GXYLT1: variants seen among roughly 807,000 people sequenced by gnomAD.
GXYLT1 encodes glycosyltransferase 8 domain containing 3.
Under a neutral mutation model 54.0 loss-of-function variants are expected in GXYLT1, and 29 were observed. The observed-to-expected ratio is 0.54, with a 90% CI of 0.40 to 0.73. GXYLT1 has a LOEUF of 0.73. Ranked by LOEUF, GXYLT1 falls within the 30% of genes least tolerant of loss-of-function variation. The pLI, the probability that GXYLT1 is intolerant of heterozygous loss-of-function variation, is 0.00. For missense variants in GXYLT1, 490 were observed against 553.4 expected, an observed-to-expected ratio of 0.89 and a Z score of 1.15; for synonymous variants, 176 against 204.1, an observed-to-expected ratio of 0.86 and a Z score of 1.17.
At chr12:42,131,691 G>C (rs2065594832) in intron 1 of GXYLT1, among the ~76,000 whole-genome samples, 1 of 152,160 alleles carries the variant, frequency 6.6e-6, no homozygotes. Context: ...CTTATGACTT[G>C]ATTAGAAAAT....
intron 3 of GXYLT1, among the ~76,000 whole-genome samples, chr12:42,111,316 C>A (rs960032970): frequency 2.6e-5 from 4 of 152,216 alleles, no homozygotes; most frequent in Admixed American, 1.3e-4. Flanking sequence ...GTGCGCGAGC[C>A]GAACCGGGGC....
chr12:42,094,351 CAA>C (rs11406709), intron 7 of GXYLT1, among the ~76,000 whole-genome samples: 32 of 74,582 alleles, frequency 4.3e-4, no homozygotes, highest in Admixed American at 4.5e-4. Flanking sequence ...AACCCTGCCT[CAA>C]AAAAAAAAAA....
chr12:42,121,011 A>G (rs2065527686), intron 2 of GXYLT1, among the ~76,000 whole-genome samples: 1 of 152,226 alleles, frequency 6.6e-6, no homozygotes, highest in African/African-American at 2.4e-5. Context: ...CTACGTCTAT[A>G]AAGAGGGGAC....
chr12:42,104,254 C>CTTTTTTTTTT (rs200928276), intron 5 of GXYLT1, among the ~76,000 whole-genome samples: 1 of 98,322 alleles, frequency 1.0e-5, no homozygotes, highest in Non-Finnish European at 2.0e-5. Context: ...TGAGAAGTCA[C>CTTTTTTTTTT]ATTTTTTTTT....
intron 2 of GXYLT1, among the ~76,000 whole-genome samples, chr12:42,119,686 T>C (rs1485983595): frequency 6.6e-6 from 1 of 151,902 alleles, no homozygotes; most frequent in East Asian, 1.9e-4. Context: ...CATGCACCTG[T>C]AGCCCCGGCT....
In GXYLT1 at chr12:42,144,002, TCACA is replaced by T. The variant is rs146444482; in HGVS notation, c.221+420_221+423del. Reference sequence around the variant, plus strand: ...GGACAAAATACACACACATATACACTCACACACACACACACAATCCTTAAACACT... The same window carrying T: ...GGACAAAATACACACACATATACACTCACACACACACAATCCTTAAACACT... On this transcript the variant is annotated intron_variant, in intron 1 of 7. Transcript: ENST00000398675. Among the ~76,000 whole-genome samples, 12 of 150,606 alleles carry T rather than the reference TCACA, an allele frequency of 8.0e-5. No individual in the cohort carries two copies. In the East Asian group the frequency reaches 9.7e-4, roughly 12 times the overall value.
intron 4 of GXYLT1, among the ~76,000 whole-genome samples, chr12:42,109,218 G>A (rs1387545889): frequency 3.9e-5 from 6 of 152,130 alleles, no homozygotes; most frequent in African/African-American, 1.4e-4. Context: ...CAAGTTGAAG[G>A]TGATAACGCC....
chr12:42,129,003 G>A (rs529888472), intron 2 of GXYLT1, among the ~76,000 whole-genome samples: 1 of 152,190 alleles, frequency 6.6e-6, no homozygotes, highest in African/African-American at 2.4e-5. Context: ...TCATAAAGAC[G>A]CAGTAAATAG....
intron 5 of GXYLT1, among the ~76,000 whole-genome samples, chr12:42,104,300 A>G (rs1409300034): frequency 1.3e-5 from 2 of 151,158 alleles, no homozygotes; most frequent in African/African-American, 4.9e-5. Context: ...CTTCTGGTAT[A>G]AGATCACTGT....
intron 7 of GXYLT1, among the ~76,000 whole-genome samples, chr12:42,094,830 G>C (rs2065347038): frequency 6.6e-6 from 1 of 152,000 alleles, no homozygotes; most frequent in African/African-American, 2.4e-5. Context: ...AGGGAGGAGA[G>C]GGCAAGAAAG....
chr12:42,128,988 A>G (rs1236726296), intron 2 of GXYLT1, among the ~76,000 whole-genome samples: 39 of 152,146 alleles, frequency 2.6e-4, no homozygotes. Flanking sequence ...GACTATTTAA[A>G]TGAATCATAA....
intron 4 of GXYLT1, among the ~76,000 whole-genome samples, chr12:42,107,296 C>T (rs2065426965): frequency 6.6e-6 from 1 of 152,182 alleles, no homozygotes; most frequent in African/African-American, 2.4e-5. Context: ...CCTCCCTTAT[C>T]TCACTATCAG....
intron 1 of GXYLT1, among the ~76,000 whole-genome samples, chr12:42,139,323 T>C (rs989035244): frequency 2.0e-5 from 3 of 152,230 alleles, no homozygotes; most frequent in African/African-American, 7.2e-5. Flanking sequence ...TTAATATGTG[T>C]CAGGTTTGGA....
intron 3 of GXYLT1, among the ~76,000 whole-genome samples, chr12:42,111,264 G>C (rs767989190): frequency 8.5e-5 from 13 of 152,238 alleles, no homozygotes; most frequent in Non-Finnish European, 1.5e-4. Flanking sequence ...TCTCACTGGG[G>C]AGTGCCAGAC....
intron 1 of GXYLT1, among the ~76,000 whole-genome samples, chr12:42,137,065 G>C (rs972638854): frequency 1.3e-5 from 2 of 152,070 alleles, no homozygotes; most frequent in Non-Finnish European, 2.9e-5. Flanking sequence ...ACCATGCCTG[G>C]TTGTACTTTT....
Position 42,100,844 on chromosome 12 carries a change from C to T in GXYLT1, c.865-2811G>A, listed in dbSNP as rs1009416052. On this transcript the variant is annotated intron_variant, in intron 5 of 7. Transcript: ENST00000398675. ...AGACAGAACTGGTGGAGCCCTTGTA[C>T]AACACCATGTTAAAGTCTTCATGTG... is the stretch of plus-strand genomic sequence containing the variant. 3.9e-5 allele frequency among the ~76,000 whole-genome samples: 6 copies of T among 152,142 alleles called. No homozygotes were observed. In the East Asian group the frequency reaches 1.2e-3, roughly 29 times the overall value.
intron 3 of GXYLT1, among the ~76,000 whole-genome samples, chr12:42,118,064 A>G (rs2065507698): frequency 6.6e-6 from 1 of 152,202 alleles, no homozygotes; most frequent in South Asian, 2.1e-4. Context: ...GAGTATCTGA[A>G]GATAAAGAAT....
At chr12:42,104,007 G>T (rs2065404656) in intron 5 of GXYLT1, among the ~76,000 whole-genome samples, 1 of 152,130 alleles carries the variant, frequency 6.6e-6, no homozygotes, top group Non-Finnish European at 1.5e-5. Flanking sequence ...CCAGCACTTT[G>T]GGGGTTTGAG....
rs2065302750 is a variant in GXYLT1 at position 42,087,569 on chromosome 12, T to C, written c.*217A>G. The C allele has an allele frequency of 4.3e-6, 2 of 460,448 alleles. No homozygotes were observed. The highest frequency in any genetic ancestry group is 2.5e-5 in the South Asian group (1 of 39,980). 28.5% of individuals were successfully genotyped at this position (460,448 alleles called of 1,614,324 possible). A position where few individuals can be genotyped will look rare whatever the true frequency, so the allele number is the denominator to read the frequency against. On this transcript the variant is annotated 3_prime_UTR_variant, in exon 8 of 8. Coordinates refer to ENST00000398675, the MANE Select transcript of GXYLT1 (RefSeq NM_173601.2). ...ATACTGGAATGATAGCAAGTAACATTACAAAACATCAGAGATAAAAAATGT... is the reference window on the plus strand; with the variant it reads ...ATACTGGAATGATAGCAAGTAACATCACAAAACATCAGAGATAAAAAATGT...
Sources: allele counts gnomAD v4.1 joint callset (sites outside exome capture counted in the v4.1 genomes callset), GRCh38; gene constraint gnomAD v4.1.1; transcripts MANE v1.5; gene names NCBI Gene and HGNC (gene_info 2026-07-23, HGNC 2026-07-21).